The following SMAGP variants were observed in gnomAD, a reference collection of about 807,000 sequenced individuals.
SMAGP encodes small cell adhesion glycoprotein, also known as small cell transmembrane and glycosylated protein.
A neutral mutation model predicts 10.1 loss-of-function variants in SMAGP; 7 were observed. That is an observed-to-expected ratio of 0.70 (90% CI 0.40 to 1.31). The LOEUF (loss-of-function observed/expected upper bound fraction) is 1.31, where lower values mean the gene tolerates loss of function less well. Among genes scored for constraint, SMAGP ranks in the 50% most tolerant of loss-of-function variants. SMAGP has a pLI of 0.01. For synonymous variants in SMAGP, 49 were observed against 47.2 expected (o/e 1.04, Z -0.16); for missense variants, 113 against 116.5 (o/e 0.97, Z 0.14).
chr12:51,252,015 C>G (rs950218473), intron 2 of SMAGP, among the ~76,000 whole-genome samples: 1 of 152,038 alleles, frequency 6.6e-6, no homozygotes, highest in Non-Finnish European at 1.5e-5. Flanking sequence ...TCTGGTGAAG[C>G]AGAAAGTGCA....
At chr12:51,247,445 G>T (rs1592230865) in intron 2 of SMAGP, among the ~76,000 whole-genome samples, 1 of 152,094 alleles carries the variant, frequency 6.6e-6, no homozygotes, top group African/African-American at 2.4e-5. Context: ...TCTGAAACAG[G>T]CCTCTCCTCT....
chr12:51,256,107 T>G (rs1362988909), intron 2 of SMAGP, among the ~76,000 whole-genome samples: 1 of 152,136 alleles, frequency 6.6e-6, no homozygotes, highest in Non-Finnish European at 1.5e-5. Flanking sequence ...TGATTGCTTT[T>G]GCAGCAGCTC....
intron 2 of SMAGP, among the ~76,000 whole-genome samples, chr12:51,248,432 ACACTCTCTCTCTCT>A (rs1394095961): frequency 0.096 from 4,656 of 48,266 alleles, 57 homozygotes; most frequent in Admixed American, 0.13. Context: ...ACACACACAC[ACACTCTCTCTCTCT>A]CTCTCTCTCT....
chr12:51,260,211 T>C (rs946413566), intron 2 of SMAGP, among the ~76,000 whole-genome samples: 2 of 139,488 alleles, frequency 1.4e-5, no homozygotes, highest in Admixed American at 6.9e-5. Flanking sequence ...GGTTTCTTTT[T>C]TTTTTTTTTT....
At chr12:51,265,736 G>A (rs759652838) in intron 2 of SMAGP, among the ~76,000 whole-genome samples, 2 of 152,116 alleles carry the variant, frequency 1.3e-5, no homozygotes, top group African/African-American at 2.4e-5. Context: ...GTCAAGTTTC[G>A]GTTTGGGAAG....
At chr12:51,266,766 T>C (rs912181826) in intron 2 of SMAGP, among the ~76,000 whole-genome samples, 1 of 152,190 alleles carries the variant, frequency 6.6e-6, no homozygotes, top group African/African-American at 2.4e-5. Flanking sequence ...ACTCTACCAC[T>C]GAATTGTCTG....
At position 51,247,929 on chromosome 12, in the gene SMAGP, A is replaced by G. The variant is rs533413523; in HGVS notation, c.35-1098T>C. On this transcript the variant is annotated intron_variant, in intron 2 of 3. Transcript: ENST00000603798. ...AGGGGCCTGATCTAGTCTTCCAGCC[A>G]GAAGCGACCCCCCAAGGGAGGAATA... 3.3e-5 allele frequency among the ~76,000 whole-genome samples: 5 copies of G among 152,376 alleles called. 1 individual carries two copies. The East Asian group carries it at 9.6e-4, about 29-fold the overall frequency.
chr12:51,246,688 TC>T, intron 3 of SMAGP, 62 bp downstream of exon 3: 1 of 1,330,922 alleles, frequency 7.5e-7, no homozygotes, highest in Admixed American at 3.0e-5. Context: ...TTGGTCAGGC[TC>T]CCTCTGGAGA....
At chr12:51,248,256 C>T (rs1944798818) in intron 2 of SMAGP, among the ~76,000 whole-genome samples, 1 of 152,100 alleles carries the variant, frequency 6.6e-6, no homozygotes, top group African/African-American at 2.4e-5. Context: ...CCTCATCTTG[C>T]AATACAGAAA....
intron 2 of SMAGP, among the ~76,000 whole-genome samples, chr12:51,266,316 T>C (rs185035815): frequency 1.3e-5 from 2 of 152,346 alleles, no homozygotes; most frequent in Admixed American, 1.3e-4. Flanking sequence ...GTGTCCATGC[T>C]ATAAACGCTT....
chr12:51,268,686 C>T (rs1019432273), intron 2 of SMAGP, among the ~76,000 whole-genome samples: 9 of 151,452 alleles, frequency 5.9e-5, no homozygotes, highest in African/African-American at 1.7e-4. Context: ...CAGGTTCAAG[C>T]GATTCCCATG....
chr12:51,269,835 G>A (rs1205634861), intron 1 of SMAGP: 1 of 152,378 alleles, frequency 6.6e-6, no homozygotes, highest in East Asian at 1.9e-4. Context: ...GGCTCGCCTC[G>A]GACGCTGGGA....
At chr12:51,247,485 G>T (rs1944788766) in intron 2 of SMAGP, among the ~76,000 whole-genome samples, 1 of 152,048 alleles carries the variant, frequency 6.6e-6, no homozygotes, top group Non-Finnish European at 1.5e-5. Flanking sequence ...ACCCCCTCCT[G>T]CTACGGGTTT....
intron 2 of SMAGP, among the ~76,000 whole-genome samples, chr12:51,265,346 T>C (rs918179264): frequency 6.6e-5 from 10 of 152,164 alleles, no homozygotes; most frequent in African/African-American, 2.4e-4. Flanking sequence ...TACCACATGA[T>C]ATAGCAATTC....
At chr12:51,246,448 C>T in intron 3 of SMAGP, 1 of 429,072 alleles carries the variant, frequency 2.3e-6, no homozygotes, top group Non-Finnish European at 4.1e-6. Flanking sequence ...TTATCTGATC[C>T]TCCCCCTCTT....
At chr12:51,247,480 C>T (rs1944788715) in intron 2 of SMAGP, among the ~76,000 whole-genome samples, 1 of 152,156 alleles carries the variant, frequency 6.6e-6, no homozygotes, top group Admixed American at 6.5e-5. Context: ...CCTGCACCCC[C>T]TCCTGCTACG....
intron 2 of SMAGP, among the ~76,000 whole-genome samples, chr12:51,250,496 T>TTG (rs1340463944): frequency 1.1e-5 from 1 of 93,722 alleles, no homozygotes. Flanking sequence ...GTTGTTGTTG[T>TTG]TGTGTTTTTT....
At chr12:51,267,070 T>C (rs10876159) in intron 2 of SMAGP, among the ~76,000 whole-genome samples, 104,671 of 152,028 alleles carry the variant, frequency 0.69, 39,047 homozygotes, top group Non-Finnish European at 0.85. Flanking sequence ...GAACCGAAAT[T>C]AAGCCACTGT....
chr12:51,252,218 C>T (rs950118420), intron 2 of SMAGP, among the ~76,000 whole-genome samples: 36 of 151,538 alleles, frequency 2.4e-4, no homozygotes, highest in African/African-American at 8.0e-4. Context: ...CTCAGCCTCC[C>T]GAGTAGCTGG....
Sources: gnomAD v4.1 joint callset for allele counts (sites outside exome capture counted in the v4.1 genomes callset) on GRCh38, gnomAD v4.1.1 for gene constraint, MANE v1.5 for transcripts, NCBI Gene and HGNC (gene_info 2026-07-23, HGNC 2026-07-21) for gene names.